The following SLC35G2 variants were observed in gnomAD, a reference collection of about 807,000 sequenced individuals.
SLC35G2 encodes the protein solute carrier family 35 member G2.
Under a neutral mutation model 27.2 loss-of-function variants are expected in SLC35G2, and 20 were observed. The ratio of observed to expected loss-of-function variants is 0.74; its 90% CI spans 0.52 to 1.07. SLC35G2 has a LOEUF of 1.07. Among genes scored for constraint, SLC35G2 ranks in the 50% least tolerant of loss-of-function variants. The pLI is 0.00. For missense variants in SLC35G2, 416 were observed against 493.3 expected (o/e 0.84, Z 1.48); for synonymous variants, 148 against 165.3 (o/e 0.90, Z 0.80).
chr3:136,841,226 C>T (rs1256718312), intron 1 of SLC35G2, among the ~76,000 whole-genome samples: 3 of 151,968 alleles, frequency 2.0e-5, no homozygotes, highest in Non-Finnish European at 2.9e-5. Context: ...TTAGTTGTTG[C>T]TATGGTAAAA....
rs1937962053 is a variant in SLC35G2 at position 136,855,456 on chromosome 3, C to T, written c.996C>T (p.Phe332=). The part of the protein sequence containing the change: ...IAICVCSTAA[F]LGVYYALDKF... ...TATGTGTCTGTTCTACTGCAGCATT[C>T]TTAGGAGTTTATTATGCCTTGGACA... The change falls in exon 2 of 2, where the codon TTC becomes TTT. Residue 332 remains phenylalanine, a synonymous_variant. Transcript: ENST00000446465. 2.5e-6 allele frequency: 4 copies of T among 1,614,070 alleles called. No individual in the cohort carries two copies. The South Asian group carries it at 4.4e-5, about 18-fold the overall frequency.
rs117849665 is a variant in SLC35G2 at position 136,824,797 on chromosome 3, C to T, written c.-19+5169C>T. On this transcript the variant is annotated intron_variant, in intron 1 of 1. Transcript: ENST00000446465. ...TAAGTTCTAGGGTACATATGCACAA[C>T]GTCCAGGTTTGTTACATAGGTATAC... 5.3e-5 allele frequency among the ~76,000 whole-genome samples: 8 copies of T among 152,194 alleles called. No individual in the cohort carries two copies. The East Asian group carries it at 9.6e-4, about 18-fold the overall frequency.
intron 1 of SLC35G2, among the ~76,000 whole-genome samples, chr3:136,847,579 A>G (rs1052223559): frequency 1.3e-5 from 2 of 151,214 alleles, no homozygotes; most frequent in Non-Finnish European, 3.0e-5. Flanking sequence ...GTGAAACTCC[A>G]TCTCAAAAAG....
chr3:136,833,026 G>A (rs573897604), intron 1 of SLC35G2, among the ~76,000 whole-genome samples: 82 of 147,302 alleles, frequency 5.6e-4, no homozygotes, highest in African/African-American at 1.8e-3. Context: ...CTGAGATCGC[G>A]CCACTGCACT....
At chr3:136,832,755 G>C (rs560397736) in intron 1 of SLC35G2, among the ~76,000 whole-genome samples, 1 of 152,308 alleles carries the variant, frequency 6.6e-6, no homozygotes, top group South Asian at 2.1e-4. Flanking sequence ...TATAGAAACT[G>C]AGGAGAGTGG....
At chr3:136,828,694 C>G (rs1401184980) in intron 1 of SLC35G2, among the ~76,000 whole-genome samples, 1 of 152,136 alleles carries the variant, frequency 6.6e-6, no homozygotes, top group Non-Finnish European at 1.5e-5. Context: ...ATCCATTCAG[C>G]CAGTCTGTGT....
At chr3:136,844,921 A>C (rs72989129) in intron 1 of SLC35G2, among the ~76,000 whole-genome samples, 1,712 of 151,438 alleles carry the variant, frequency 0.011, 22 homozygotes, top group African/African-American at 0.04. Flanking sequence ...TGTGATTGTT[A>C]TGAACCTAAT....
chr3:136,829,436 G>T (rs1278642048), intron 1 of SLC35G2, among the ~76,000 whole-genome samples: 4 of 152,044 alleles, frequency 2.6e-5, no homozygotes, highest in Non-Finnish European at 4.4e-5. Flanking sequence ...TGGCCAGGCT[G>T]GTTTTGAACT....
chr3:136,854,042 T>C (rs1489618770), intron 1 of SLC35G2, among the ~76,000 whole-genome samples: 2 of 151,716 alleles, frequency 1.3e-5, no homozygotes, highest in African/African-American at 2.4e-5. Flanking sequence ...ACTTAACTAA[T>C]AATTTATAAC....
intron 1 of SLC35G2, among the ~76,000 whole-genome samples, chr3:136,826,232 T>TC (rs1294270808): frequency 6.6e-6 from 1 of 151,826 alleles, no homozygotes; most frequent in Non-Finnish European, 1.5e-5. Flanking sequence ...GAGACAGGGG[T>TC]TTCACTGTGT....
chr3:136,829,490 G>A (rs1936670957), intron 1 of SLC35G2, among the ~76,000 whole-genome samples: 1 of 152,130 alleles, frequency 6.6e-6, no homozygotes, highest in Admixed American at 6.5e-5. Context: ...AAAGTGCTGG[G>A]ATTACAGGTG....
intron 1 of SLC35G2, chr3:136,837,738 T>C (rs1437957518): frequency 6.6e-6 from 1 of 152,204 alleles, no homozygotes; most frequent in Non-Finnish European, 1.5e-5. Context: ...CCTTATATAC[T>C]TTGCTGGTGA....
intron 1 of SLC35G2, among the ~76,000 whole-genome samples, chr3:136,841,254 T>C (rs542023729): frequency 7.9e-4 from 121 of 152,266 alleles, no homozygotes; most frequent in Non-Finnish European, 1.4e-3. Context: ...GCACCCTATC[T>C]AAAGGATGGA....
intron 1 of SLC35G2, 70 bp from the exon 2 acceptor site, chr3:136,854,373 A>T: frequency 2.0e-6 from 2 of 1,008,316 alleles, no homozygotes. Context: ...GAATTGATGC[A>T]TATGATTATA....
chr3:136,836,354 C>A (rs1458921598), intron 1 of SLC35G2, among the ~76,000 whole-genome samples: 1 of 152,242 alleles, frequency 6.6e-6, no homozygotes, highest in South Asian at 2.1e-4. Flanking sequence ...TTTTATGTAA[C>A]CAATCTCCTG....
rs150150766 is a variant in SLC35G2 at position 136,854,563 on chromosome 3, G to A, written c.103G>A (p.Asp35Asn). The change falls in exon 2 of 2, where the codon GAT becomes AAT. Residue 35 changes from aspartate to asparagine, a missense_variant. By Grantham distance (23) the Asp-to-Asn change is conservative (BLOSUM62 1). Coordinates refer to ENST00000446465, the MANE Select transcript of SLC35G2 (RefSeq NM_025246.3). ...KYTSHYPQPG[D>N]DGYEEINEGY... ...TACTTCTCATTATCCCCAGCCTGGC[G>A]ATGATGGATATGAAGAAATCAATGA... 2.5e-4 allele frequency: 411 copies of A among 1,612,744 alleles called. No homozygotes were observed. The highest frequency in any genetic ancestry group is 4.5e-4 in the Admixed American group (27 of 59,768).
chr3:136,835,893 C>T (rs955410568), intron 1 of SLC35G2, among the ~76,000 whole-genome samples: 2 of 152,164 alleles, frequency 1.3e-5, no homozygotes, highest in Non-Finnish European at 2.9e-5. Flanking sequence ...CTTTTGGCAT[C>T]TCTGTATCAT....
chr3:136,847,175 AAAAT>A (rs546677208), intron 1 of SLC35G2, among the ~76,000 whole-genome samples: 6 of 151,888 alleles, frequency 4.0e-5, no homozygotes, highest in Non-Finnish European at 5.9e-5. Context: ...AGACTGTCTA[AAAAT>A]AAATAAATAA....
Position 136,855,477 on chromosome 3 carries a change from G to A in SLC35G2, c.1017G>A (p.Leu339=), listed in dbSNP as rs1560023252. 1.9e-6 allele frequency: 3 copies of A among 1,614,104 alleles called. No homozygotes were observed. Among genetic ancestry groups the A allele is most frequent in the Non-Finnish European group, 2.5e-6 (3 of 1,179,978 alleles). The part of the protein sequence containing the change: ...TAAFLGVYYA[L]DKFHPALVST... ...CATTCTTAGGAGTTTATTATGCCTT[G>A]GACAAATTCCATCCAGCTTTGGTTA... is the stretch of plus-strand genomic sequence containing the variant. Residue 339 remains leucine, a synonymous_variant, in exon 2 of 2, where the codon TTG becomes TTA. Coordinates refer to ENST00000446465, the MANE Select transcript of SLC35G2 (RefSeq NM_025246.3).
Sources: gnomAD v4.1 joint callset for allele counts (sites outside exome capture counted in the v4.1 genomes callset) on GRCh38, gnomAD v4.1.1 for gene constraint, MANE v1.5 for transcripts, NCBI Gene and HGNC (gene_info 2026-07-23, HGNC 2026-07-21) for gene names.